The following SEZ6L variants were observed in gnomAD, a reference collection of about 807,000 sequenced individuals.
SEZ6L encodes the protein seizure related 6 homolog like, also known as seizure 6-like protein.
SEZ6L carries 37 observed loss-of-function variants against 106.2 expected under a neutral mutation model. The ratio of observed to expected loss-of-function variants is 0.35; its 90% CI spans 0.27 to 0.46. The LOEUF (loss-of-function observed/expected upper bound fraction) is 0.46, where lower values mean the gene tolerates loss of function less well. Among genes scored for constraint, SEZ6L ranks in the 20% least tolerant of loss-of-function variants. The pLI, the probability that SEZ6L is intolerant of heterozygous loss-of-function variation, is 1.00. For missense variants in SEZ6L, 1,172 were observed against 1,332.8 expected, an observed-to-expected ratio of 0.88 and a Z score of 1.88; for synonymous variants, 541 against 570.4, an observed-to-expected ratio of 0.95 and a Z score of 0.73.
intron 1 of SEZ6L, 27 bp downstream of exon 1, chr22:26,169,790 C>T: frequency 8.5e-7 from 1 of 1,181,250 alleles, no homozygotes; most frequent in Non-Finnish European, 1.1e-6. Context: ...GCGGGGCGGG[C>T]AGGGGGCAAA....
At chr22:26,286,771 G>A (rs1022799804) in intron 1 of SEZ6L, among the ~76,000 whole-genome samples, 1 of 142,156 alleles carries the variant, frequency 7.0e-6, no homozygotes, top group Admixed American at 7.1e-5. Flanking sequence ...TTTTGAGATG[G>A]AATTTTTGCT....
chr22:26,352,080 G>A (rs936153915), intron 12 of SEZ6L, among the ~76,000 whole-genome samples: 7 of 150,442 alleles, frequency 4.7e-5, no homozygotes, highest in Non-Finnish European at 8.8e-5. Flanking sequence ...AGGATTGCTT[G>A]AGCCCAAGAG....
rs149969332 is a variant in SEZ6L at position 26,368,421 on chromosome 22, A to C, written c.2794+2855A>C. 2.1e-3 allele frequency among the ~76,000 whole-genome samples: 314 copies of C among 152,380 alleles called. 2 individuals are homozygous for C. Among genetic ancestry groups the C allele is most frequent in the African/African-American group, 7.1e-3 (294 of 41,588 alleles). ...AAAGGGAATATTATTCAGCCATTAA[A>C]AGGAACGAAATACTGACACATACCA... On this transcript the variant is annotated intron_variant, in intron 13 of 16. Transcript: ENST00000248933.
At chr22:26,329,555 C>T (rs1196073867) in intron 9 of SEZ6L, among the ~76,000 whole-genome samples, 5 of 152,214 alleles carry the variant, frequency 3.3e-5, no homozygotes, top group Non-Finnish European at 5.9e-5. Context: ...TCTGTGTCCT[C>T]CCTGGAGCTG....
At chr22:26,239,223 C>CA (rs948262848) in intron 1 of SEZ6L, among the ~76,000 whole-genome samples, 11 of 151,936 alleles carry the variant, frequency 7.2e-5, no homozygotes, top group Non-Finnish European at 1.3e-4. Context: ...AACCCTGTCT[C>CA]AAAAAAAGGA....
chr22:26,275,764 G>C (rs1015103197), intron 1 of SEZ6L, among the ~76,000 whole-genome samples: 1 of 152,202 alleles, frequency 6.6e-6, no homozygotes, highest in Admixed American at 6.5e-5. Flanking sequence ...CTAGTCCTCA[G>C]TTGGAGCATC....
At position 26,306,106 on chromosome 22, in the gene SEZ6L, C is replaced by T. The variant is rs776535821; in HGVS notation, c.1476C>T (p.His492=). 1.2e-6 allele frequency: 2 copies of T among 1,614,126 alleles called. No homozygotes were observed. The highest frequency in any genetic ancestry group is 8.5e-7 in the Non-Finnish European group (1 of 1,180,028). Residue 492 remains histidine (H), a synonymous_variant, in exon 6 of 17, where the codon CAC becomes CAT. Transcript: ENST00000248933. ...AAGCTCCAGAGGGCCAGAAGCTGCA[C>T]CTGCACTTTGAGAGGCTGTTGCTGC... ...TIEAPEGQKL[H]LHFERLLLHD...
chr22:26,377,554 C>T (rs563823093), intron 15 of SEZ6L, 119 bp from the exon 16 acceptor site: 1 of 785,512 alleles, frequency 1.3e-6, no homozygotes, highest in East Asian at 2.6e-5. Flanking sequence ...TGCACACATC[C>T]TCGTCGTCAT....
chr22:26,365,582 C>T lies in SEZ6L; in HGVS notation c.2794+16C>T, dbSNP rs1425140760. On this transcript the variant is annotated intron_variant, in intron 13 of 16. Transcript: ENST00000248933. Reference sequence around the variant, plus strand: ...GTGTGTAAAGGTAAAGAAACCTACTCACCACACAGGGTCCACGGGGCCTGG... The same window carrying T: ...GTGTGTAAAGGTAAAGAAACCTACTTACCACACAGGGTCCACGGGGCCTGG... 2.5e-6 allele frequency: 4 copies of T among 1,605,874 alleles called. No individual in the cohort carries two copies. The highest frequency in any genetic ancestry group is 2.7e-5 in the African/African-American group (2 of 74,890).
intron 1 of SEZ6L, among the ~76,000 whole-genome samples, chr22:26,250,937 T>G (rs1392012347): frequency 6.6e-6 from 1 of 152,208 alleles, no homozygotes; most frequent in African/African-American, 2.4e-5. Context: ...TAAATGGGAT[T>G]GTTTTTCTTG....
chr22:26,299,920 T>C (rs1447030578), intron 5 of SEZ6L, among the ~76,000 whole-genome samples: 1 of 152,218 alleles, frequency 6.6e-6, no homozygotes, highest in Non-Finnish European at 1.5e-5. Context: ...CCACAGCAGC[T>C]GCACCATTTT....
intron 1 of SEZ6L, among the ~76,000 whole-genome samples, chr22:26,254,797 G>A (rs1467289030): frequency 6.6e-6 from 1 of 152,172 alleles, no homozygotes; most frequent in East Asian, 1.9e-4. Context: ...GGGTCTTAAT[G>A]AGGAGGGTCT....
intron 1 of SEZ6L, among the ~76,000 whole-genome samples, chr22:26,219,859 A>C (rs1327648095): frequency 6.6e-6 from 1 of 152,208 alleles, no homozygotes; most frequent in Non-Finnish European, 1.5e-5. Context: ...CTTAATAACT[A>C]GGTGATGGGT....
chr22:26,278,970 A>G (rs1408713247), intron 1 of SEZ6L, among the ~76,000 whole-genome samples: 3 of 105,580 alleles, frequency 2.8e-5, no homozygotes, highest in African/African-American at 1.1e-4. Context: ...AGGAGAGAGG[A>G]AGGGAGGGAG....
At chr22:26,240,988 G>A (rs2079109415) in intron 1 of SEZ6L, among the ~76,000 whole-genome samples, 1 of 152,206 alleles carries the variant, frequency 6.6e-6, no homozygotes, top group African/African-American at 2.4e-5. Flanking sequence ...GGAGGGCAAT[G>A]GACAGTAGGC....
intron 9 of SEZ6L, among the ~76,000 whole-genome samples, chr22:26,339,702 T>G (rs932274217): frequency 6.6e-6 from 1 of 152,214 alleles, no homozygotes; most frequent in Admixed American, 6.5e-5. Context: ...GAAAGATCAT[T>G]TCACCTTATA....
At chr22:26,275,756 A>G (rs2080522742) in intron 1 of SEZ6L, among the ~76,000 whole-genome samples, 1 of 152,168 alleles carries the variant, frequency 6.6e-6, no homozygotes. Flanking sequence ...TCTGCAGTCT[A>G]GTCCTCAGTT....
At chr22:26,232,955 A>G (rs993651518) in intron 1 of SEZ6L, among the ~76,000 whole-genome samples, 24 of 152,208 alleles carry the variant, frequency 1.6e-4, no homozygotes, top group African/African-American at 5.8e-4. Flanking sequence ...ATCAATGTAC[A>G]AATGTCAGCT....
chr22:26,197,069 A>G (rs1027155546), intron 1 of SEZ6L, among the ~76,000 whole-genome samples: 1 of 152,190 alleles, frequency 6.6e-6, no homozygotes, highest in African/African-American at 2.4e-5. Flanking sequence ...AGGTATAGCT[A>G]CACCCACTTC....
Sources: allele counts gnomAD v4.1 joint callset (sites outside exome capture counted in the v4.1 genomes callset), GRCh38; gene constraint gnomAD v4.1.1; transcripts MANE v1.5; gene names NCBI Gene and HGNC (gene_info 2026-07-23, HGNC 2026-07-21).